Variants in COL18A1 observed in about 807,000 individuals in gnomAD.
The protein encoded by COL18A1 is collagen alpha-1(XVIII) chain.
In COL18A1, 133 loss-of-function variants were observed where a neutral mutation model predicts 168.0. That is an observed-to-expected ratio of 0.79 (90% CI 0.69 to 0.91). COL18A1 has a LOEUF of 0.91. Among genes scored for constraint, COL18A1 ranks in the 40% least tolerant of loss-of-function variants. The pLI, the probability that COL18A1 is intolerant of heterozygous loss-of-function variation, is 0.00. For synonymous variants in COL18A1, 949 were observed against 809.0 expected (o/e 1.17, Z -2.94); for missense variants, 2,126 against 1,925.4 (o/e 1.10, Z -1.95).
intron 2 of COL18A1, among the ~76,000 whole-genome samples, chr21:45,462,588 T>C (rs1462179451): frequency 1.3e-5 from 2 of 152,220 alleles, no homozygotes; most frequent in Non-Finnish European, 2.9e-5. Flanking sequence ...GTTCTGTAAT[T>C]TCTTTCTGGT....
intron 2 of COL18A1, among the ~76,000 whole-genome samples, chr21:45,418,493 G>A (rs2033513720): frequency 6.6e-6 from 1 of 152,162 alleles, no homozygotes. Flanking sequence ...TTCCCGGGCT[G>A]GCTCTGGGGC....
At chr21:45,507,848 G>A (rs73370873) in intron 38 of COL18A1, among the ~76,000 whole-genome samples, 2,502 of 152,316 alleles carry the variant, frequency 0.016, 65 homozygotes, top group African/African-American at 0.057. Flanking sequence ...TCCCAGTTGT[G>A]TCTGCCGCTC....
At position 45,504,478 on chromosome 21, in the gene COL18A1, C is replaced by T. The variant is rs564134000; in HGVS notation, c.2790C>T (p.Gly930=). The change falls in exon 34 of 42, where the codon GGC becomes GGT. Residue 930 remains glycine, a synonymous_variant. Coordinates refer to ENST00000651438, the MANE Select transcript of COL18A1 (RefSeq NM_001379500.1). ...QKGERGEPGG[G]GFFGSSLPGP... ...GCGAAAGGGGGGAGCCCGGGGGCGGCGGTTTCTTCGGCTCCAGCCTGCCCG... is the reference window on the plus strand; with the variant it reads ...GCGAAAGGGGGGAGCCCGGGGGCGGTGGTTTCTTCGGCTCCAGCCTGCCCG... 2.3e-4 allele frequency: 372 copies of T among 1,603,322 alleles called. 2 individuals carry two copies. The African/African-American group carries it at 2.9e-3, about 12-fold the overall frequency.
rs1247624122 is a variant in COL18A1, at chr21:45,468,417, G to A, written c.282G>A (p.Leu94=). 1.2e-6 allele frequency: 2 copies of A among 1,613,912 alleles called. No individual in the cohort carries two copies. Among genetic ancestry groups the A allele is most frequent in the African/African-American group, 2.7e-5 (2 of 74,962 alleles). ...FPSLFFRDFS[L]LFHIRPATEG... Reference sequence around the variant, plus strand: ...GCCTCTTCTTCCGTGACTTCTCACTGCTGTTCCACATCCGGCCAGCCACAG... The same window carrying A: ...GCCTCTTCTTCCGTGACTTCTCACTACTGTTCCACATCCGGCCAGCCACAG... Residue 94 remains leucine, a synonymous_variant, in exon 3 of 42, where the codon CTG becomes CTA. Transcript: ENST00000651438.
At chr21:45,484,502 G>A (rs532625320) in intron 15 of COL18A1, among the ~76,000 whole-genome samples, 5 of 116,442 alleles carry the variant, frequency 4.3e-5, no homozygotes, top group Admixed American at 1.6e-4. Flanking sequence ...ACACACACAT[G>A]CACCTCTCCA....
chr21:45,467,360 G>A lies in COL18A1; in HGVS notation c.107-882G>A, dbSNP rs901597636. ...CAGGAATGAGTGGAGTGAGTCACCC[G>A]GCGCTGTGGGGCATTTGCACGGAGC... On this transcript the variant is annotated intron_variant, in intron 2 of 41. Coordinates refer to ENST00000651438, the MANE Select transcript of COL18A1 (RefSeq NM_001379500.1). The A allele has an allele frequency of 5.1e-6, 5 of 985,332 alleles. No homozygotes were observed. In the African/African-American group the frequency reaches 5.2e-5, roughly 10 times the overall value. The allele number at this position is 985,332 out of a possible 1,614,324, so 61.0% of individuals were successfully genotyped here. A position where few individuals can be genotyped will look rare whatever the true frequency, so the allele number is the denominator to read the frequency against.
At chr21:45,492,629 T>C in intron 23 of COL18A1, 58 bp from the exon 24 acceptor site, 3 of 1,610,554 alleles carry the variant, frequency 1.9e-6, no homozygotes, top group Non-Finnish European at 2.5e-6. Flanking sequence ...CTGGGTGGGG[T>C]CCGGGCAGGC....
At chr21:45,416,364 G>T (rs1472270910) in intron 2 of COL18A1, among the ~76,000 whole-genome samples, 1 of 152,136 alleles carries the variant, frequency 6.6e-6, no homozygotes, top group East Asian at 1.9e-4. Flanking sequence ...TGTGGGGGTG[G>T]CCGGGGCACA....
At chr21:45,406,657 C>A (rs1436741742) in intron 2 of COL18A1, among the ~76,000 whole-genome samples, 1 of 152,182 alleles carries the variant, frequency 6.6e-6, no homozygotes. Flanking sequence ...CTGAGCCGGG[C>A]CGCCAGCGCC....
chr21:45,477,612 G>A lies in COL18A1; in HGVS notation c.1005+125G>A, dbSNP rs535846478. The A allele has an allele frequency of 6.2e-5, 79 of 1,271,668 alleles. No homozygotes were observed. In the East Asian group the frequency reaches 1.5e-3, roughly 24 times the overall value. The allele number at this position is 1,271,668 out of a possible 1,614,324, so 78.8% of individuals were successfully genotyped here. ...CGTGCCTCCTTTGTGCCCAGCACTC[G>A]GTGCCAGCATGCGTCCACCCTGCGT... On this transcript the variant is annotated intron_variant, in intron 7 of 41. Coordinates refer to ENST00000651438, the MANE Select transcript of COL18A1 (RefSeq NM_001379500.1).
At chr21:45,456,648 G>A (rs559500998) in intron 2 of COL18A1, 63 of 1,534,892 alleles carry the variant, frequency 4.1e-5, no homozygotes, top group Non-Finnish European at 5.5e-5. Context: ...GCACGGGCGT[G>A]GGGGGGCCTG....
chr21:45,469,229 G>A (rs564981580), intron 3 of COL18A1, among the ~76,000 whole-genome samples: 5 of 152,342 alleles, frequency 3.3e-5, no homozygotes, highest in Middle Eastern at 3.4e-3. Context: ...CCGGCCGGTC[G>A]GGTAAGTGGG....
At chr21:45,434,778 C>G (rs1243946322) in intron 2 of COL18A1, among the ~76,000 whole-genome samples, 1 of 149,438 alleles carries the variant, frequency 6.7e-6, no homozygotes, top group Non-Finnish European at 1.5e-5. Context: ...GGCGGGGGTC[C>G]CGGTGGGTTG....
At chr21:45,427,862 A>T (rs920600154) in intron 2 of COL18A1, among the ~76,000 whole-genome samples, 1 of 152,094 alleles carries the variant, frequency 6.6e-6, no homozygotes, top group Non-Finnish European at 1.5e-5. Flanking sequence ...ACTGGCGATG[A>T]GCTCAGGCCT....
chr21:45,474,905 C>G (rs935878751), intron 4 of COL18A1, among the ~76,000 whole-genome samples: 6 of 152,298 alleles, frequency 3.9e-5, no homozygotes, highest in Non-Finnish European at 7.4e-5. Context: ...CCAGAAGACG[C>G]CAGATCGTTC....
Position 45,405,455 on chromosome 21 carries a change from G to A in COL18A1, c.88G>A (p.Ala30Thr). ...CCTGGTCCTGCTGCTCGGGGTCCGC[G>A]CGGCCTCCGCGGAGCCAGGTAAGAC... ...APLVLLLGVR[A>T]ASAEPERISE... The change falls in exon 2 of 42, where the codon GCG (alanine) becomes ACG (threonine). Residue 30 changes from alanine to threonine, a missense_variant. Coordinates refer to ENST00000651438, the MANE Select transcript of COL18A1 (RefSeq NM_001379500.1). The A allele has an allele frequency of 1.5e-6, 2 of 1,378,938 alleles. No individual in the cohort carries two copies. The highest frequency in any genetic ancestry group is 3.0e-5 in the South Asian group (2 of 67,552). 85.4% of individuals were successfully genotyped at this position (1,378,938 alleles called of 1,614,324 possible).
Position 45,475,514 on chromosome 21 carries a change from G to A in COL18A1, c.777G>A (p.Arg259=), listed in dbSNP as rs768040453. The change falls in exon 5 of 42, where the codon CGG becomes CGA. Residue 259 remains arginine, a synonymous_variant. Coordinates refer to ENST00000651438, the MANE Select transcript of COL18A1 (RefSeq NM_001379500.1). ...GDSGSGLGDA[R]ELLREETGAA... The stretch of plus-strand genomic sequence containing the variant: ...CTGGCAGCGGGCTCGGGGACGCCCG[G>A]GAGCTTCTCAGGGAGGAGACGGTGA... 3 of 1,607,310 alleles carry A rather than the reference G, an allele frequency of 1.9e-6. No homozygotes were observed. Among genetic ancestry groups the A allele is most frequent in the Non-Finnish European group, 2.5e-6 (3 of 1,178,478 alleles).
At chr21:45,492,589 AGACG>A (rs2036389629) in intron 23 of COL18A1, 25 bp downstream of exon 23, 1 of 1,612,866 alleles carries the variant, frequency 6.2e-7, no homozygotes, top group East Asian at 2.2e-5. Flanking sequence ...AGCTTCTAAG[AGACG>A]GGCCTGCGGG....
At chr21:45,510,956 C>CAT (rs1233993568) in intron 40 of COL18A1, among the ~76,000 whole-genome samples, 155 bp from the exon 41 acceptor site, 23 of 26,730 alleles carry the variant, frequency 8.6e-4, no homozygotes, top group African/African-American at 1.9e-3. Context: ...CCCACAACAC[C>CAT]CCACATACAC....
Sources: gnomAD v4.1 joint callset for allele counts (sites outside exome capture counted in the v4.1 genomes callset) on GRCh38, gnomAD v4.1.1 for gene constraint, MANE v1.5 for transcripts, NCBI Gene and HGNC (gene_info 2026-07-23, HGNC 2026-07-21) for gene names.